CHST11: variants seen among roughly 807,000 people sequenced by gnomAD.
The protein encoded by CHST11 is C4S-1.
In CHST11, 9 loss-of-function variants were observed where a neutral mutation model predicts 30.4. The observed-to-expected ratio is 0.30, with a 90% CI of 0.18 to 0.52. The LOEUF (loss-of-function observed/expected upper bound fraction) is 0.52, where lower values mean the gene tolerates loss of function less well. Ranked by LOEUF, CHST11 falls within the 20% of genes least tolerant of loss-of-function variation. The pLI is 0.97. For missense variants in CHST11, 348 were observed against 460.6 expected (o/e 0.76, Z 2.24); for synonymous variants, 152 against 187.8 (o/e 0.81, Z 1.56).
At chr12:104,513,401 G>T (rs2135982928) in intron 1 of CHST11, among the ~76,000 whole-genome samples, 1 of 152,266 alleles carries the variant, frequency 6.6e-6, no homozygotes, top group Non-Finnish European at 1.5e-5. Flanking sequence ...TTTGCATTTG[G>T]TTTGAGTGTC....
chr12:104,737,582 T>C (rs1566059821), intron 2 of CHST11, among the ~76,000 whole-genome samples: 1 of 152,190 alleles, frequency 6.6e-6, no homozygotes, highest in Admixed American at 6.5e-5. Flanking sequence ...GATCAGTTGA[T>C]CTAGAGCCTT....
intron 2 of CHST11, among the ~76,000 whole-genome samples, chr12:104,610,015 G>T (rs944432128): frequency 6.7e-6 from 1 of 149,714 alleles, no homozygotes; most frequent in African/African-American, 2.5e-5. Context: ...CAAGCTTGAC[G>T]CACTGATTTA....
intron 1 of CHST11, among the ~76,000 whole-genome samples, chr12:104,558,290 C>T (rs1309280548): frequency 6.6e-6 from 1 of 152,126 alleles, no homozygotes; most frequent in Non-Finnish European, 1.5e-5. Flanking sequence ...CTTCTTGAAA[C>T]CGAGCCCCTA....
In CHST11 at chr12:104,561,169, GGCAACCAGATA is replaced by G. The variant is rs199570149; in HGVS notation, c.119-40732_119-40722del. On this transcript the variant is annotated intron_variant, in intron 1 of 2. Transcript: ENST00000303694. ...GTTATAGGACTGGCTGCTATTCCATGGCAACCAGATAGCAATGGCTTTCAGAAGATGGGAGT... is the reference window on the plus strand; with the variant it reads ...GTTATAGGACTGGCTGCTATTCCATGGCAATGGCTTTCAGAAGATGGGAGT... 4.3e-4 allele frequency among the ~76,000 whole-genome samples: 59 copies of G among 137,632 alleles called. 1 individual carries two copies. The highest frequency in any genetic ancestry group is 1.4e-3 in the African/African-American group (47 of 34,794). The allele number at this position is 137,632 out of a possible 152,430, so 90.3% of individuals were successfully genotyped here. A position where few individuals can be genotyped will look rare whatever the true frequency, so the allele number is the denominator to read the frequency against.
chr12:104,682,371 CTG>C (rs2039805978), intron 2 of CHST11, among the ~76,000 whole-genome samples: 2 of 152,232 alleles, frequency 1.3e-5, no homozygotes, highest in Non-Finnish European at 2.9e-5. Flanking sequence ...CCGCCACAAA[CTG>C]AGTAGAGGCA....
intron 1 of CHST11, among the ~76,000 whole-genome samples, chr12:104,546,225 T>G (rs2136005620): frequency 6.6e-6 from 1 of 152,118 alleles, no homozygotes; most frequent in Non-Finnish European, 1.5e-5. Flanking sequence ...ATCCCAGCAC[T>G]TTGGGAGGCT....
At chr12:104,473,575 G>T (rs1309439302) in intron 1 of CHST11, among the ~76,000 whole-genome samples, 1 of 152,184 alleles carries the variant, frequency 6.6e-6, no homozygotes, top group Non-Finnish European at 1.5e-5. Flanking sequence ...CAAGTTCACT[G>T]TGTGTGGGGT....
At chr12:104,557,233 C>T (rs2136013817) in intron 1 of CHST11, among the ~76,000 whole-genome samples, 1 of 152,270 alleles carries the variant, frequency 6.6e-6, no homozygotes, top group Admixed American at 6.5e-5. Flanking sequence ...CGGAGTTGGG[C>T]TGAAGGGAAG....
chr12:104,683,097 A>G (rs903076120), intron 2 of CHST11, among the ~76,000 whole-genome samples: 8 of 152,194 alleles, frequency 5.3e-5, no homozygotes, highest in African/African-American at 1.9e-4. Flanking sequence ...AAATGGCAAA[A>G]GGGGGCGGGG....
chr12:104,513,984 G>A, intron 1 of CHST11: 1 of 689,272 alleles, frequency 1.5e-6, no homozygotes, highest in African/African-American at 1.7e-5. Context: ...CGAGTGCTGT[G>A]GGCTTAGCAG....
At chr12:104,597,312 T>C (rs1263716293) in intron 1 of CHST11, among the ~76,000 whole-genome samples, 1 of 152,130 alleles carries the variant, frequency 6.6e-6, no homozygotes, top group Non-Finnish European at 1.5e-5. Flanking sequence ...AAAAAAAATC[T>C]TTAATCCCAT....
Position 104,757,109 on chromosome 12 carries a change from A to T in CHST11, c.365A>T (p.Tyr122Phe), listed in dbSNP as rs1457954410. ...VDEDHELIYC[Y>F]VPKVACTNWK... ...GAGGACCACGAGCTCATCTACTGCTACGTGCCCAAGGTGGCCTGCACCAAC... is the reference window on the plus strand; with the variant it reads ...GAGGACCACGAGCTCATCTACTGCTTCGTGCCCAAGGTGGCCTGCACCAAC... The change falls in exon 3 of 3, where the codon TAC (tyrosine) becomes TTC (phenylalanine). Residue 122 changes from tyrosine (Y) to phenylalanine (F), a missense_variant. Tyr to Phe is a conservative substitution (Grantham distance 22). Coordinates refer to ENST00000303694, the MANE Select transcript of CHST11 (RefSeq NM_018413.6). This position sits in a 1 kb window ranked among gnomAD's most constrained non-coding sequence, Gnocchi z 6.5. The T allele has an allele frequency of 6.2e-7, 1 of 1,614,120 alleles. No individual in the cohort carries two copies. The highest frequency in any genetic ancestry group is 2.2e-5 in the East Asian group (1 of 44,866).
At chr12:104,523,957 T>C (rs1000893852) in intron 1 of CHST11, among the ~76,000 whole-genome samples, 6 of 152,132 alleles carry the variant, frequency 3.9e-5, no homozygotes, top group African/African-American at 1.2e-4. Context: ...CTGTGTTTTC[T>C]GGGGTGAAAG....
intron 2 of CHST11, among the ~76,000 whole-genome samples, chr12:104,672,453 A>C (rs1393288106): frequency 2.0e-5 from 3 of 152,258 alleles, no homozygotes; most frequent in African/African-American, 7.2e-5. Flanking sequence ...AAAATACTGC[A>C]GAGAATGAAA....
intron 1 of CHST11, among the ~76,000 whole-genome samples, chr12:104,519,876 C>G (rs1001525783): frequency 6.6e-6 from 1 of 152,170 alleles, no homozygotes; most frequent in Non-Finnish European, 1.5e-5. Context: ...TTCGGCAAAG[C>G]CTTCACAGTT....
At chr12:104,551,486 GC>G (rs997829295) in intron 1 of CHST11, among the ~76,000 whole-genome samples, 25 of 152,196 alleles carry the variant, frequency 1.6e-4, no homozygotes, top group African/African-American at 5.3e-4. Context: ...GGCTCAAGTT[GC>G]TAGAATCACC....
At chr12:104,742,787 C>T (rs532020048) in intron 2 of CHST11, among the ~76,000 whole-genome samples, 5 of 152,352 alleles carry the variant, frequency 3.3e-5, no homozygotes, top group East Asian at 1.9e-4. Flanking sequence ...CCCCCTCCAG[C>T]GTGATTTGAT....
At chr12:104,622,357 G>A (rs72487515) in intron 2 of CHST11, among the ~76,000 whole-genome samples, 31,501 of 152,008 alleles carry the variant, frequency 0.21, 3,579 homozygotes, top group East Asian at 0.33. Context: ...TTAAAAGGAC[G>A]GAGTAAATAT....
At chr12:104,472,141 C>T (rs1432605729) in intron 1 of CHST11, among the ~76,000 whole-genome samples, 123 of 139,456 alleles carry the variant, frequency 8.8e-4, no homozygotes, top group African/African-American at 3.0e-3. Flanking sequence ...TTTTTTTTTT[C>T]TTTTTTTTTT....
Sources: allele counts gnomAD v4.1 joint callset (sites outside exome capture counted in the v4.1 genomes callset), GRCh38; gene constraint gnomAD v4.1.1; non-coding constraint Gnocchi (gnomAD v3.1); transcripts MANE v1.5; gene names NCBI Gene and HGNC (gene_info 2026-07-23, HGNC 2026-07-21).